SULT2B1: variants seen among roughly 807,000 people sequenced by gnomAD.
The protein encoded by SULT2B1 is sulfotransferase 2B1.
A neutral mutation model predicts 33.2 loss-of-function variants in SULT2B1; 16 were observed. The ratio of observed to expected loss-of-function variants is 0.48; its 90% confidence interval spans 0.33 to 0.73. The LOEUF is 0.73. Among genes scored for constraint, SULT2B1 ranks in the 30% least tolerant of loss-of-function variants. The pLI, the probability that SULT2B1 is intolerant of heterozygous loss-of-function variation, is 0.02. For synonymous variants in SULT2B1, 186 were observed against 200.5 expected (o/e 0.93, Z 0.61); for missense variants, 500 against 506.0 (o/e 0.99, Z 0.11).
chr19:48,598,329 C>T (rs961880984), intron 6 of SULT2B1, among the ~76,000 whole-genome samples: 2 of 152,074 alleles, frequency 1.3e-5, no homozygotes, highest in African/African-American at 4.8e-5. Flanking sequence ...CCGTGGCTCA[C>T]ACCTGTAATC....
At chr19:48,564,987 C>T (rs992126849) in intron 1 of SULT2B1, among the ~76,000 whole-genome samples, 1 of 151,982 alleles carries the variant, frequency 6.6e-6, no homozygotes, top group African/African-American at 2.4e-5. Context: ...GATTGTGTTT[C>T]ACTATATTGG....
At chr19:48,565,474 G>A (rs1188582407) in intron 1 of SULT2B1, among the ~76,000 whole-genome samples, 3 of 151,480 alleles carry the variant, frequency 2.0e-5, no homozygotes, top group Non-Finnish European at 4.4e-5. Flanking sequence ...CCACCTCCCA[G>A]ATTCAAGCGA....
At position 48,556,175 on chromosome 19, in the gene SULT2B1, A is replaced by AC. The variant is rs1366742527; in HGVS notation, c.71+3853dup. ...CAAACTTCTCAGGCGTTAAGATTCA[A>AC]CACGGGCAATTTAGGATTTTTGGCC... On this transcript the variant is annotated intron_variant, in intron 1 of 6. Coordinates refer to ENST00000201586, the MANE Select transcript of SULT2B1 (RefSeq NM_177973.2). Among the ~76,000 whole-genome samples the AC allele has an allele frequency of 2.0e-5, 3 of 152,216 alleles. 1 individual carries two copies. The highest frequency in any genetic ancestry group is 7.2e-5 in the African/African-American group (3 of 41,548).
At chr19:48,572,519 A>AG (rs976835896) in intron 1 of SULT2B1, among the ~76,000 whole-genome samples, 27 of 148,226 alleles carry the variant, frequency 1.8e-4, no homozygotes, top group Non-Finnish European at 3.2e-4. Flanking sequence ...ATCTCAAAAA[A>AG]AATTAAAAAA....
At chr19:48,578,303 C>T (rs989430604) in intron 2 of SULT2B1, among the ~76,000 whole-genome samples, 5 of 152,038 alleles carry the variant, frequency 3.3e-5, no homozygotes, top group African/African-American at 9.7e-5. Context: ...TATTTTCAGC[C>T]GAGCACAGTG....
intron 1 of SULT2B1, among the ~76,000 whole-genome samples, chr19:48,558,513 GC>G (rs1488624911): frequency 1.3e-5 from 2 of 152,032 alleles, no homozygotes; most frequent in Non-Finnish European, 2.9e-5. Context: ...CCTGGCGCCG[GC>G]ACCTTCTGAT....
At chr19:48,591,786 A>G (rs1973646956) in intron 4 of SULT2B1, 51 bp downstream of exon 4, 1 of 1,514,652 alleles carries the variant, frequency 6.6e-7, no homozygotes, top group African/African-American at 1.4e-5. Context: ...GCCCCAGAGG[A>G]CCCTGATGGG....
At chr19:48,584,293 GAGA>G (rs1973534674) in intron 2 of SULT2B1, among the ~76,000 whole-genome samples, 1 of 152,204 alleles carries the variant, frequency 6.6e-6, no homozygotes, top group Non-Finnish European at 1.5e-5. Context: ...CTGGGTGACT[GAGA>G]AGTTCACTGA....
At chr19:48,583,433 C>A (rs1601104775) in intron 2 of SULT2B1, among the ~76,000 whole-genome samples, 1 of 152,158 alleles carries the variant, frequency 6.6e-6, no homozygotes, top group Admixed American at 6.6e-5. Flanking sequence ...TGACCAAAAG[C>A]TGAAACTATC....
In SULT2B1 at chr19:48,554,209, G is replaced by A. The variant is rs552671430; in HGVS notation, c.71+1886G>A. Among the ~76,000 whole-genome samples, 10 of 151,810 alleles carry A rather than the reference G, an allele frequency of 6.6e-5. No individual in the cohort carries two copies. In the South Asian group the frequency reaches 8.3e-4, roughly 13 times the overall value. ...TCTGGAATCCCCCAGGCCTGGAAGC[G>A]TGCCTCTCCCCAGCGAGCCTGCTGG... On this transcript the variant is annotated intron_variant, in intron 1 of 6. Coordinates refer to ENST00000201586, the MANE Select transcript of SULT2B1 (RefSeq NM_177973.2).
At chr19:48,593,945 C>T (rs1973677990) in intron 5 of SULT2B1, among the ~76,000 whole-genome samples, 1 of 151,770 alleles carries the variant, frequency 6.6e-6, no homozygotes, top group Admixed American at 6.6e-5. Context: ...GTCGGCCCCG[C>T]CAACTAGTTT....
chr19:48,581,029 C>CTTTTTTTTTTTT (rs57093444), intron 2 of SULT2B1, among the ~76,000 whole-genome samples: 2 of 65,070 alleles, frequency 3.1e-5, no homozygotes, highest in East Asian at 6.4e-4. Flanking sequence ...ATATATATTC[C>CTTTTTTTTTTTT]TTTTTTTTTT....
At chr19:48,578,149 G>A (rs930191974) in intron 2 of SULT2B1, among the ~76,000 whole-genome samples, 1 of 151,744 alleles carries the variant, frequency 6.6e-6, no homozygotes. Flanking sequence ...AGAGGTCGAG[G>A]CTCCAGTGAG....
In SULT2B1 at chr19:48,589,137, G is replaced by A. The variant is rs1601109245; in HGVS notation, c.423+1700G>A. Among the ~76,000 whole-genome samples, 2 of 152,234 alleles carry A rather than the reference G, an allele frequency of 1.3e-5. 1 individual carries two copies. Among genetic ancestry groups the A allele is most frequent in the South Asian group, 4.1e-4 (2 of 4,836 alleles). On this transcript the variant is annotated intron_variant, in intron 3 of 6. Coordinates refer to ENST00000201586, the MANE Select transcript of SULT2B1 (RefSeq NM_177973.2). ...GAAGCCCGAGAGGCGGCGCTGGCCG[G>A]GGTCCAGGGGAGGGGACGGTGGCTG... is the stretch of plus-strand genomic sequence containing the variant.
intron 1 of SULT2B1, among the ~76,000 whole-genome samples, chr19:48,553,865 A>G (rs2147592443): frequency 6.6e-6 from 1 of 152,276 alleles, no homozygotes; most frequent in Non-Finnish European, 1.5e-5. Context: ...AGGACTTCTG[A>G]GTTCTGCAAT....
At chr19:48,562,120 C>G (rs1012291693) in intron 1 of SULT2B1, among the ~76,000 whole-genome samples, 1 of 152,090 alleles carries the variant, frequency 6.6e-6, no homozygotes, top group African/African-American at 2.4e-5. Context: ...GGTGTGGTGG[C>G]TTATGCCTGT....
chr19:48,558,679 CTTTTTTT>C (rs869189397), intron 1 of SULT2B1, among the ~76,000 whole-genome samples: 24 of 106,160 alleles, frequency 2.3e-4, no homozygotes, highest in Non-Finnish European at 3.3e-4. Context: ...CTTTTCTTTT[CTTTTTTT>C]TTTTTTTTTT....
At chr19:48,554,514 C>CT (rs904747736) in intron 1 of SULT2B1, among the ~76,000 whole-genome samples, 3 of 148,592 alleles carry the variant, frequency 2.0e-5, no homozygotes, top group Non-Finnish European at 4.5e-5. Flanking sequence ...TCCTCATCTC[C>CT]CCCCAACCTC....
At chr19:48,598,971 T>C (rs1202505467) in intron 6 of SULT2B1, among the ~76,000 whole-genome samples, 164 bp from the exon 7 acceptor site, 1 of 151,834 alleles carries the variant, frequency 6.6e-6, no homozygotes, top group Non-Finnish European at 1.5e-5. Flanking sequence ...TCTGCCACCA[T>C]AGGACACAAA....
Sources: allele counts gnomAD v4.1 joint callset (sites outside exome capture counted in the v4.1 genomes callset), GRCh38; gene constraint gnomAD v4.1.1; transcripts MANE v1.5; gene names NCBI Gene and HGNC (gene_info 2026-07-23, HGNC 2026-07-21).